The following FMN1 variants were observed in gnomAD, a reference collection of about 807,000 sequenced individuals.
FMN1 encodes the protein formin-1.
In FMN1, 110 loss-of-function variants were observed where a neutral mutation model predicts 132.4. The ratio of observed to expected loss-of-function variants is 0.83; its 90% CI spans 0.71 to 0.97. The LOEUF (loss-of-function observed/expected upper bound fraction) is 0.97, where lower values mean the gene tolerates loss of function less well. Among genes scored for constraint, FMN1 ranks in the 50% least tolerant of loss-of-function variants. The pLI is 0.00. For synonymous variants in FMN1, 722 were observed against 651.7 expected (o/e 1.11, Z -1.64); for missense variants, 1,792 against 1,705.3 (o/e 1.05, Z -0.90).
At chr15:32,944,378 C>A (rs1248264271) in intron 9 of FMN1, among the ~76,000 whole-genome samples, 1 of 152,194 alleles carries the variant, frequency 6.6e-6, no homozygotes, top group Non-Finnish European at 1.5e-5. Flanking sequence ...GCCAGTATGG[C>A]CTGGTAGGCC....
At chr15:33,125,648 T>TG (rs1469855512) in intron 4 of FMN1, among the ~76,000 whole-genome samples, 1 of 151,848 alleles carries the variant, frequency 6.6e-6, no homozygotes, top group Non-Finnish European at 1.5e-5. Context: ...AAGACTAGCC[T>TG]GGTCAACATG....
At chr15:32,924,060 TTTTG>T (rs575647932) in intron 10 of FMN1, among the ~76,000 whole-genome samples, 175 of 152,300 alleles carry the variant, frequency 1.1e-3, no homozygotes, top group African/African-American at 4.1e-3. Flanking sequence ...AAACATTTGT[TTTTG>T]TTTTTCTTTT....
intron 5 of FMN1, among the ~76,000 whole-genome samples, chr15:33,069,993 C>CTTTTTTTTTTTTTT (rs1171369156): frequency 4.0e-5 from 3 of 74,292 alleles, no homozygotes; most frequent in African/African-American, 5.3e-5. Context: ...CAGTCTTTCT[C>CTTTTTTTTTTTTTT]TTTTTTTTTT....
chr15:33,102,216 G>GT (rs1468961938), intron 4 of FMN1, among the ~76,000 whole-genome samples: 1 of 152,050 alleles, frequency 6.6e-6, no homozygotes, highest in Non-Finnish European at 1.5e-5. Context: ...CTGTGTCTTT[G>GT]TAAGTATTAC....
At chr15:32,815,230 T>C (rs1010496937) in intron 17 of FMN1, among the ~76,000 whole-genome samples, 1 of 152,168 alleles carries the variant, frequency 6.6e-6, no homozygotes, top group African/African-American at 2.4e-5. Context: ...GCGTGAGCCA[T>C]CGCGCCCGGC....
chr15:32,992,606 A>G (rs947318046), intron 7 of FMN1, among the ~76,000 whole-genome samples: 1 of 152,216 alleles, frequency 6.6e-6, no homozygotes, highest in Non-Finnish European at 1.5e-5. Flanking sequence ...TCGATAAGAC[A>G]TATGTTTAAC....
chr15:32,904,314 C>T (rs998497720), intron 12 of FMN1, among the ~76,000 whole-genome samples: 1 of 152,124 alleles, frequency 6.6e-6, no homozygotes, highest in African/African-American at 2.4e-5. Context: ...TGAATGGTAT[C>T]TGTGGGGGAA....
intron 5 of FMN1, among the ~76,000 whole-genome samples, chr15:33,068,491 T>A (rs1171213875): frequency 2.6e-5 from 4 of 152,076 alleles, no homozygotes; most frequent in African/African-American, 9.7e-5. Flanking sequence ...GCCTGGGGCA[T>A]CCAGGCCAAA....
chr15:32,996,709 C>A (rs2033791547), intron 7 of FMN1, among the ~76,000 whole-genome samples: 1 of 152,094 alleles, frequency 6.6e-6, no homozygotes, highest in Non-Finnish European at 1.5e-5. Flanking sequence ...ATGGTCAAAG[C>A]ACACATAATG....
At chr15:33,035,931 GA>G (rs887617584) in intron 6 of FMN1, among the ~76,000 whole-genome samples, 1 of 152,126 alleles carries the variant, frequency 6.6e-6, no homozygotes, top group African/African-American at 2.4e-5. Context: ...TCATAGGAGG[GA>G]AGCTGGTGGC....
intron 3 of FMN1, among the ~76,000 whole-genome samples, chr15:33,167,522 T>C (rs1223366884): frequency 6.6e-6 from 1 of 152,220 alleles, no homozygotes; most frequent in East Asian, 1.9e-4. Context: ...TGGCTAAATG[T>C]ACACCATGCC....
intron 6 of FMN1, among the ~76,000 whole-genome samples, chr15:33,038,913 T>C (rs59219427): frequency 0.18 from 28,114 of 152,126 alleles, 2,778 homozygotes; most frequent in Middle Eastern, 0.24. Flanking sequence ...TGTCCCCCAC[T>C]TTGAAGACTT....
chr15:32,880,708 T>C (rs2141435636), intron 16 of FMN1, among the ~76,000 whole-genome samples: 1 of 152,280 alleles, frequency 6.6e-6, no homozygotes, highest in African/African-American at 2.4e-5. Context: ...GGATATAAGG[T>C]TCTGGACTGG....
intron 15 of FMN1, among the ~76,000 whole-genome samples, chr15:32,891,023 G>C (rs913804911): frequency 2.0e-5 from 3 of 152,106 alleles, no homozygotes; most frequent in African/African-American, 4.8e-5. Context: ...ATTTTTGTTT[G>C]CTTTGTTGAA....
intron 6 of FMN1, among the ~76,000 whole-genome samples, chr15:33,053,002 C>T (rs928170929): frequency 6.1e-5 from 9 of 146,708 alleles, no homozygotes. Context: ...GATCATCCCC[C>T]ACTCCCCACA....
intron 9 of FMN1, among the ~76,000 whole-genome samples, chr15:32,931,010 G>C (rs1245717866): frequency 2.0e-5 from 3 of 152,022 alleles, no homozygotes; most frequent in Non-Finnish European, 4.4e-5. Flanking sequence ...GTATATGCTT[G>C]GGTTTATTTC....
intron 5 of FMN1, chr15:33,067,628 C>T (rs972778028): frequency 1.8e-5 from 29 of 1,614,008 alleles, no homozygotes; most frequent in East Asian, 2.2e-5. Flanking sequence ...AGGTGAAACC[C>T]GAGACCCTGC....
intron 9 of FMN1, among the ~76,000 whole-genome samples, chr15:32,960,135 A>T (rs1400025176): frequency 6.6e-6 from 1 of 152,182 alleles, no homozygotes; most frequent in Non-Finnish European, 1.5e-5. Flanking sequence ...CATTCTATGT[A>T]AATCAGCTGA....
intron 4 of FMN1, among the ~76,000 whole-genome samples, chr15:33,133,038 C>G (rs563782228): frequency 6.6e-6 from 1 of 152,262 alleles, no homozygotes; most frequent in East Asian, 1.9e-4. Context: ...ACAGAAGTGC[C>G]CCAAGTCACA....
Sources: allele counts gnomAD v4.1 joint callset (sites outside exome capture counted in the v4.1 genomes callset), GRCh38; gene constraint gnomAD v4.1.1; transcripts MANE v1.5; gene names NCBI Gene and HGNC (gene_info 2026-07-23, HGNC 2026-07-21).